Variants in UNC80 observed in about 807,000 individuals in gnomAD.
The protein encoded by UNC80 is unc-80 subunit of NALCN channel complex, also known as protein unc-80 homolog.
Under a neutral mutation model 384.6 loss-of-function variants are expected in UNC80, and 164 were observed. The ratio of observed to expected loss-of-function variants is 0.43; its 90% CI spans 0.38 to 0.49. UNC80 has a LOEUF of 0.49. Among genes scored for constraint, UNC80 ranks in the 20% least tolerant of loss-of-function variants. The pLI is 0.00. For synonymous variants in UNC80, 1,486 were observed against 1,527.8 expected (o/e 0.97, Z 0.64); for missense variants, 3,330 against 4,143.0 (o/e 0.80, Z 5.39).
intron 22 of UNC80, among the ~76,000 whole-genome samples, chr2:209,871,335 T>G (rs988768607): frequency 6.6e-6 from 1 of 152,184 alleles, no homozygotes; most frequent in Non-Finnish European, 1.5e-5. Flanking sequence ...ATTCACCCCT[T>G]TCATGCTATA....
chr2:209,911,188 A>C, intron 29 of UNC80, among the ~76,000 whole-genome samples: 1 of 88,918 alleles, frequency 1.1e-5, no homozygotes, highest in African/African-American at 2.8e-5. Context: ...AATAAAACAG[A>C]GAGGTGCCAG....
In UNC80 at chr2:209,994,376, G is replaced by C. The variant is rs1010237293; in HGVS notation, c.9708+112G>C. The C allele has an allele frequency of 5.2e-6, 5 of 969,376 alleles. No homozygotes were observed. The Admixed American group carries it at 1.7e-4, about 32-fold the overall frequency. 60.0% of individuals were successfully genotyped at this position (969,376 alleles called of 1,614,324 possible). A position where few individuals can be genotyped will look rare whatever the true frequency, so the allele number is the denominator to read the frequency against. On this transcript the variant is annotated intron_variant, in intron 64 of 64. Transcript: ENST00000673920. Reference sequence around the variant, plus strand: ...ATTAAGTCCAGGTCTGCAATGCTTTGTTATCCAAACAGATACTGCTCCTGC... The same window carrying C: ...ATTAAGTCCAGGTCTGCAATGCTTTCTTATCCAAACAGATACTGCTCCTGC...
At chr2:209,777,883 G>A (rs1236784712) in intron 4 of UNC80, among the ~76,000 whole-genome samples, 1 of 152,098 alleles carries the variant, frequency 6.6e-6, no homozygotes, top group Non-Finnish European at 1.5e-5. Flanking sequence ...GTCCCTACTG[G>A]CCACCTCATG....
intron 7 of UNC80, chr2:209,809,159 C>T: frequency 4.9e-6 from 3 of 615,654 alleles, no homozygotes; most frequent in Admixed American, 2.6e-5. Flanking sequence ...GAGGCGGAGG[C>T]CGATACCACC....
intron 22 of UNC80, among the ~76,000 whole-genome samples, chr2:209,858,972 C>T (rs1340791423): frequency 6.6e-6 from 1 of 151,874 alleles, no homozygotes. Context: ...AGTTATTTTC[C>T]TTTACTGGTT....
In UNC80 at chr2:209,864,561, G is replaced by A. The variant is rs2083574774; in HGVS notation, c.3628-8197G>A. Among the ~76,000 whole-genome samples the A allele has an allele frequency of 2.0e-5, 3 of 152,294 alleles. No homozygotes were observed. The South Asian group carries it at 6.2e-4, about 32-fold the overall frequency. On this transcript the variant is annotated intron_variant, in intron 22 of 64. Coordinates refer to ENST00000673920, the MANE Select transcript of UNC80 (RefSeq NM_001371986.1). ...TTCTGTTCCTGAGCCTCTGGCTGGA[G>A]TTATTGGAGTTCCTGCAGGGAAACC...
At chr2:209,921,781 A>AT in intron 34 of UNC80, 95 bp downstream of exon 34, 1 of 1,301,350 alleles carries the variant, frequency 7.7e-7, no homozygotes, top group Non-Finnish European at 1.0e-6. Flanking sequence ...ACATGAGGTG[A>AT]TATGCCCCCT....
In UNC80 at chr2:209,815,348, T is replaced by C; in HGVS notation, c.1292T>C (p.Val431Ala). ...CTGACCAATCTGCGTAGATCTGCAGTCCCAGATCTTTCTTCAGACCTGGGC... is the reference window on the plus strand; with the variant it reads ...CTGACCAATCTGCGTAGATCTGCAGCCCCAGATCTTTCTTCAGACCTGGGC... Reference protein sequence around the residue: ...VSLTNLRRSAVPDLSSDLGMN... With the variant: ...VSLTNLRRSAAPDLSSDLGMN... The change falls in exon 9 of 65, where the codon GTC becomes GCC. Residue 431 changes from valine to alanine, a missense_variant. Physicochemically the swap from Val to Ala is moderately conservative, Grantham distance 64. Coordinates refer to ENST00000673920, the MANE Select transcript of UNC80 (RefSeq NM_001371986.1). 6.4e-7 allele frequency: 1 copy of C among 1,551,544 alleles called. No individual in the cohort carries two copies. Among genetic ancestry groups the C allele is most frequent in the Non-Finnish European group, 8.7e-7 (1 of 1,146,856 alleles).
intron 51 of UNC80, among the ~76,000 whole-genome samples, chr2:209,967,019 G>A (rs1318174377): frequency 6.6e-6 from 1 of 151,882 alleles, no homozygotes; most frequent in East Asian, 1.9e-4. Flanking sequence ...TTTGATATTA[G>A]TAATTTTATT....
rs1173826686 is a variant in UNC80 at position 209,903,174 on chromosome 2, G to A, written c.4582-1591G>A. ...TTGATAATGATTCCCAAAAATGTCT[G>A]TGCATTTTAGTAAAAACAAAATTTT... is the stretch of plus-strand genomic sequence containing the variant. On this transcript the variant is annotated intron_variant, in intron 28 of 64. Coordinates refer to ENST00000673920, the MANE Select transcript of UNC80 (RefSeq NM_001371986.1). 1.0e-4 allele frequency among the ~76,000 whole-genome samples: 15 copies of A among 150,570 alleles called. No homozygotes were observed. In the South Asian group the frequency reaches 2.7e-3, roughly 27 times the overall value.
At chr2:209,866,529 C>CACACAT (rs1553556972) in intron 22 of UNC80, among the ~76,000 whole-genome samples, 1,850 of 126,364 alleles carry the variant, frequency 0.015, 18 homozygotes, top group South Asian at 0.034. Flanking sequence ...CACACACACA[C>CACACAT]ACACAGAGAG....
chr2:209,905,447 C>A (rs777322823), intron 29 of UNC80, among the ~76,000 whole-genome samples: 4 of 152,018 alleles, frequency 2.6e-5, no homozygotes, highest in Non-Finnish European at 4.4e-5. Flanking sequence ...TTGAGAAAAG[C>A]AGAGGTCAGT....
intron 4 of UNC80, among the ~76,000 whole-genome samples, chr2:209,782,476 T>G (rs1010089012): frequency 1.3e-4 from 20 of 152,140 alleles, no homozygotes; most frequent in African/African-American, 4.8e-4. Context: ...TTCCATAATA[T>G]TCTAGGTACA....
intron 7 of UNC80, among the ~76,000 whole-genome samples, chr2:209,803,483 T>A (rs975224379): frequency 6.6e-6 from 1 of 152,242 alleles, no homozygotes; most frequent in Non-Finnish European, 1.5e-5. Context: ...CCTTTTTGGA[T>A]ATCTATGTGT....
chr2:209,919,771 A>G (rs2089886587), intron 33 of UNC80, among the ~76,000 whole-genome samples: 1 of 152,102 alleles, frequency 6.6e-6, no homozygotes, highest in African/African-American at 2.4e-5. Flanking sequence ...TTCTTCTCCC[A>G]TATGTGCAGT....
Position 209,941,322 on chromosome 2 carries a change from G to A in UNC80, c.6748G>A (p.Asp2250Asn). 3 of 1,550,954 alleles carry A rather than the reference G, an allele frequency of 1.9e-6. No individual in the cohort carries two copies. Among genetic ancestry groups the A allele is most frequent in the Admixed American group, 2.0e-5 (1 of 50,994 alleles). The change falls in exon 44 of 65, where the codon GAC (aspartate) becomes AAC (asparagine). Residue 2250 changes from aspartate to asparagine, a missense_variant. This residue lies in a region of UNC80 where 1,049 missense variants were observed against 1,488.6 expected (regional missense o/e 0.70). Coordinates refer to ENST00000673920, the MANE Select transcript of UNC80 (RefSeq NM_001371986.1). ...CATGCCGAGCGAGTTTCCATGGGGA[G>A]ACGAAATCATGCTTTTCCTCAACGT... is the stretch of plus-strand genomic sequence containing the variant. Reference protein sequence around the residue: ...LGMPSEFPWGDEIMLFLNVFN... With the variant: ...LGMPSEFPWGNEIMLFLNVFN...
chr2:209,900,060 A>G (rs2087221843), intron 28 of UNC80, among the ~76,000 whole-genome samples: 1 of 152,194 alleles, frequency 6.6e-6, no homozygotes, highest in Non-Finnish European at 1.5e-5. Flanking sequence ...GTGTCCTCAC[A>G]TTGTCCTCAC....
chr2:209,910,237 G>T (rs1295616190), intron 29 of UNC80, among the ~76,000 whole-genome samples: 1 of 149,438 alleles, frequency 6.7e-6, no homozygotes, highest in South Asian at 2.1e-4. Context: ...CAACCACTAG[G>T]TGCATCTTGT....
At chr2:209,923,852 T>C (rs2090229705) in intron 35 of UNC80, among the ~76,000 whole-genome samples, 1 of 152,182 alleles carries the variant, frequency 6.6e-6, no homozygotes, top group Admixed American at 6.5e-5. Flanking sequence ...TCATATTTGT[T>C]TGTTTTTATC....
Sources: allele counts gnomAD v4.1 joint callset (sites outside exome capture counted in the v4.1 genomes callset), GRCh38; gene constraint gnomAD v4.1.1; regional missense constraint gnomAD v4.1.1; transcripts MANE v1.5; gene names NCBI Gene and HGNC (gene_info 2026-07-23, HGNC 2026-07-21).